CHRM2: variants seen among roughly 807,000 people sequenced by gnomAD.
CHRM2 encodes cholinergic receptor muscarinic 2.
In CHRM2, 8 loss-of-function variants were observed where a neutral mutation model predicts 25.0. The ratio of observed to expected loss-of-function variants is 0.32; its 90% CI spans 0.19 to 0.58. The LOEUF (loss-of-function observed/expected upper bound fraction) is 0.58. Among genes scored for constraint, CHRM2 ranks in the 20% least tolerant of loss-of-function variants. The pLI is 0.88. For synonymous variants in CHRM2, 202 were observed against 205.7 expected (o/e 0.98, Z 0.15); for missense variants, 440 against 567.1 (o/e 0.78, Z 2.28).
intron 2 of CHRM2, among the ~76,000 whole-genome samples, chr7:136,942,053 G>A (rs184828872): frequency 1.2e-3 from 185 of 152,258 alleles, no homozygotes; most frequent in African/African-American, 4.3e-3. Context: ...AGCCTGTAGA[G>A]TTACAGCCAC....
At position 137,011,194 on chromosome 7, in the gene CHRM2, CGT is replaced by C. The variant is rs146093146; in HGVS notation, c.-46-3605_-46-3604del. 1.9e-3 allele frequency among the ~76,000 whole-genome samples: 260 copies of C among 136,398 alleles called. 1 individual carries two copies. The highest frequency in any genetic ancestry group is 7.6e-3 in the Admixed American group (107 of 14,090). The allele number at this position is 136,398 out of a possible 152,430, so 89.5% of individuals were successfully genotyped here. A position where few individuals can be genotyped will look rare whatever the true frequency, so the allele number is the denominator to read the frequency against. ...ACAGAACCAATAGGATATATGTGTA[CGT>C]GTGTGTGTGTGTGTGTGTGTATATA... On this transcript the variant is annotated intron_variant, in intron 3 of 3. Transcript: ENST00000680005.
At chr7:136,931,174 G>C (rs910713511) in intron 2 of CHRM2, among the ~76,000 whole-genome samples, 14 of 152,082 alleles carry the variant, frequency 9.2e-5, no homozygotes, top group Admixed American at 8.5e-4. Context: ...ATAGAAACAT[G>C]TTCAAAACTA....
rs528456055 is a variant in CHRM2, at chr7:136,941,866, G to A, written c.-124-50321G>A. On this transcript the variant is annotated intron_variant, in intron 2 of 3. Coordinates refer to ENST00000680005, the MANE Select transcript of CHRM2 (RefSeq NM_001006630.2). ...TGATAGTTTAGAGGGACAATTGTAG[G>A]GTCTGGAGTTAGACAGTTCAGTTTC... is the stretch of plus-strand genomic sequence containing the variant. Among the ~76,000 whole-genome samples the A allele has an allele frequency of 2.0e-5, 3 of 152,202 alleles. No homozygotes were observed. In the East Asian group the frequency reaches 5.8e-4, roughly 29 times the overall value.
chr7:136,912,704 A>T (rs139266961), intron 2 of CHRM2, among the ~76,000 whole-genome samples: 3 of 152,086 alleles, frequency 2.0e-5, no homozygotes, highest in South Asian at 2.1e-4. Flanking sequence ...ATGAACAATA[A>T]GACTGGAGCC....
chr7:136,968,069 G>T (rs1379473814), intron 2 of CHRM2, among the ~76,000 whole-genome samples: 1 of 151,926 alleles, frequency 6.6e-6, no homozygotes, highest in Non-Finnish European at 1.5e-5. Flanking sequence ...AACAATGATT[G>T]TATGTATTTA....
chr7:136,989,654 C>A (rs1205300192), intron 2 of CHRM2, among the ~76,000 whole-genome samples: 4 of 152,090 alleles, frequency 2.6e-5, no homozygotes, highest in Admixed American at 2.0e-4. Context: ...TAAAACCTAG[C>A]ATGTCTTCTC....
At chr7:136,986,370 A>T (rs1163865420) in intron 2 of CHRM2, among the ~76,000 whole-genome samples, 1 of 152,182 alleles carries the variant, frequency 6.6e-6, no homozygotes, top group Non-Finnish European at 1.5e-5. Flanking sequence ...TATTTAAAAA[A>T]TCCAAGTAAT....
At chr7:137,014,724 G>A in intron 3 of CHRM2, 96 bp from the exon 4 acceptor site, 1 of 798,748 alleles carries the variant, frequency 1.3e-6, no homozygotes, top group South Asian at 1.7e-5. Flanking sequence ...AGGGAGATTT[G>A]GGAGAAAATA....
intron 2 of CHRM2, among the ~76,000 whole-genome samples, chr7:136,944,910 TC>T (rs1188800864): frequency 6.6e-6 from 1 of 152,112 alleles, no homozygotes; most frequent in South Asian, 2.1e-4. Context: ...CATACCAACA[TC>T]TTTTTTTTAC....
At chr7:137,013,859 T>C (rs771823939) in intron 3 of CHRM2, among the ~76,000 whole-genome samples, 2 of 152,018 alleles carry the variant, frequency 1.3e-5, no homozygotes, top group Non-Finnish European at 2.9e-5. Flanking sequence ...TCAATAGATA[T>C]GTGAGCACAA....
chr7:136,963,313 G>C (rs189333753), intron 2 of CHRM2, among the ~76,000 whole-genome samples: 1 of 152,104 alleles, frequency 6.6e-6, no homozygotes, highest in Non-Finnish European at 1.5e-5. Context: ...CGTTTATCTC[G>C]TAAGCACGAG....
chr7:136,941,245 T>C (rs1278482694), intron 2 of CHRM2, among the ~76,000 whole-genome samples: 1 of 152,212 alleles, frequency 6.6e-6, no homozygotes, highest in Non-Finnish European at 1.5e-5. Context: ...AAAGTCCAGA[T>C]ACCTTAACTT....
In CHRM2 at chr7:136,985,504, CAAA is replaced by C. The variant is rs974105875; in HGVS notation, c.-124-6661_-124-6659del. ...CAGCCTGGGTAACAGAGTTAGACTC[CAAA>C]AAAAAAAAAAAAAAAAAAAAACAAA... On this transcript the variant is annotated intron_variant, in intron 2 of 3. Transcript: ENST00000680005. Among the ~76,000 whole-genome samples the C allele has an allele frequency of 1.0e-4, 6 of 59,752 alleles. No individual in the cohort carries two copies. In the East Asian group the frequency reaches 2.9e-3, roughly 28 times the overall value. The allele number at this position is 59,752 out of a possible 152,430, so 39.2% of individuals were successfully genotyped here.
rs324577 is a variant in CHRM2, at chr7:136,963,527, G to T, written c.-124-28660G>T. Among the ~76,000 whole-genome samples the T allele has an allele frequency of 8.5e-3, 1,293 of 152,222 alleles. 14 individuals are homozygous for T. The highest frequency in any genetic ancestry group is 0.027 in the South Asian group (128 of 4,816). ...CTTAAGGGCTCTAGGGTTTCAGATG[G>T]TTTGTTTTCAAGGATGAAAACTGAA... On this transcript the variant is annotated intron_variant, in intron 2 of 3. Coordinates refer to ENST00000680005, the MANE Select transcript of CHRM2 (RefSeq NM_001006630.2).
At chr7:136,883,359 T>C (rs763582914) in intron 2 of CHRM2, among the ~76,000 whole-genome samples, 26 of 152,150 alleles carry the variant, frequency 1.7e-4, no homozygotes, top group Non-Finnish European at 3.1e-4. Context: ...CATTGTTAGT[T>C]TACCCTTAAT....
chr7:136,899,932 C>A (rs1797107398), intron 2 of CHRM2: 1 of 152,004 alleles, frequency 6.6e-6, no homozygotes, highest in African/African-American at 2.4e-5. Flanking sequence ...TCTAGCAAAT[C>A]CCTGGGGAAA....
intron 2 of CHRM2, among the ~76,000 whole-genome samples, chr7:136,978,353 C>A (rs192674649): frequency 1.3e-5 from 2 of 152,296 alleles, no homozygotes; most frequent in East Asian, 3.9e-4. Context: ...ATTTTTTCTA[C>A]AAGATGTTAA....
intron 2 of CHRM2, among the ~76,000 whole-genome samples, chr7:136,921,273 G>C (rs759177542): frequency 1.3e-5 from 2 of 152,000 alleles, no homozygotes; most frequent in Non-Finnish European, 2.9e-5. Flanking sequence ...ATCATCCTGG[G>C]TGCCTGAAGT....
chr7:136,996,042 T>C (rs1360462353), intron 3 of CHRM2, among the ~76,000 whole-genome samples: 1 of 151,852 alleles, frequency 6.6e-6, no homozygotes, highest in African/African-American at 2.4e-5. Flanking sequence ...ATGTAATAAA[T>C]GGTAGAACCA....
Sources: gnomAD v4.1 joint callset for allele counts (sites outside exome capture counted in the v4.1 genomes callset) on GRCh38, gnomAD v4.1.1 for gene constraint, MANE v1.5 for transcripts, NCBI Gene and HGNC (gene_info 2026-07-23, HGNC 2026-07-21) for gene names.